Variants in METTL15 observed in about 807,000 individuals in gnomAD.
METTL15 encodes 12S rRNA N(4)-cytidine methyltransferase METTL15.
Under a neutral mutation model 38.3 loss-of-function variants are expected in METTL15, and 34 were observed. The ratio of observed to expected loss-of-function variants is 0.89; its 90% confidence interval spans 0.68 to 1.18. METTL15 has a LOEUF of 1.18. METTL15 is among the 50% of genes most tolerant of loss of function. The probability of loss-of-function intolerance (pLI) is 0.00; values close to 1 mark genes in which losing one functional copy is unlikely to be tolerated. For missense variants in METTL15, 438 were observed against 498.4 expected (o/e 0.88, Z 1.15); for synonymous variants, 162 against 170.9 (o/e 0.95, Z 0.41).
intron 5 of METTL15, among the ~76,000 whole-genome samples, chr11:28,418,306 C>T (rs1850790513): frequency 6.6e-6 from 1 of 152,170 alleles, no homozygotes; most frequent in Non-Finnish European, 1.5e-5. Flanking sequence ...GAAAGGTCCA[C>T]GAGCTTTATT....
At chr11:28,301,386 A>T (rs939579784) in intron 6 of METTL15, among the ~76,000 whole-genome samples, 2 of 152,066 alleles carry the variant, frequency 1.3e-5, no homozygotes, top group Non-Finnish European at 2.9e-5. Context: ...ATTAGTTGAG[A>T]TGGTCTCCTA....
chr11:28,514,887 C>A (rs1234159995), intron 6 of METTL15, among the ~76,000 whole-genome samples: 1 of 151,538 alleles, frequency 6.6e-6, no homozygotes, highest in Non-Finnish European at 1.5e-5. Flanking sequence ...TTTACTATGC[C>A]CACAGATCTC....
intron 5 of METTL15, among the ~76,000 whole-genome samples, chr11:28,367,873 T>A (rs975681846): frequency 6.6e-6 from 1 of 152,022 alleles, no homozygotes; most frequent in East Asian, 1.9e-4. Flanking sequence ...TAAATGATGT[T>A]GGGAAAACTG....
chr11:28,221,404 A>G (rs1214784984), intron 4 of METTL15, among the ~76,000 whole-genome samples: 1 of 152,086 alleles, frequency 6.6e-6, no homozygotes, highest in Non-Finnish European at 1.5e-5. Flanking sequence ...CATGGTTTTC[A>G]GCTCCATCAG....
At chr11:28,157,333 C>G (rs1322954145) in intron 3 of METTL15, among the ~76,000 whole-genome samples, 2 of 152,168 alleles carry the variant, frequency 1.3e-5, no homozygotes, top group African/African-American at 4.8e-5. Flanking sequence ...TGCAACAGGT[C>G]CAGGCTGCTG....
intron 4 of METTL15, among the ~76,000 whole-genome samples, chr11:28,256,586 T>A (rs1382557111): frequency 6.6e-6 from 1 of 152,136 alleles, no homozygotes; most frequent in Non-Finnish European, 1.5e-5. Context: ...TACTTGAATC[T>A]TCTCTCTTTT....
At chr11:28,296,989 A>G in intron 6 of METTL15, 58 bp downstream of exon 6, 4 of 1,586,742 alleles carry the variant, frequency 2.5e-6, no homozygotes, top group African/African-American at 1.3e-5. Context: ...ACATGTGTGC[A>G]TGTGTTTGTG....
At position 28,146,154 on chromosome 11, in the gene METTL15, T is replaced by G. The variant is rs957584935; in HGVS notation, c.270+32550T>G. Among the ~76,000 whole-genome samples, 5 of 152,074 alleles carry G rather than the reference T, an allele frequency of 3.3e-5. No homozygotes were observed. In the South Asian group the frequency reaches 1.0e-3, roughly 31 times the overall value. On this transcript the variant is annotated intron_variant, in intron 3 of 6. Coordinates refer to ENST00000407364, the MANE Select transcript of METTL15 (RefSeq NM_001113528.2). ...TAACAAATCAAACTTTTCAAGCTAT[T>G]TCTGACTGTTAAAACTTTCTGGAAA... is the stretch of plus-strand genomic sequence containing the variant.
intron 5 of METTL15, among the ~76,000 whole-genome samples, chr11:28,375,588 T>A (rs1475508509): frequency 2.6e-5 from 4 of 152,286 alleles, no homozygotes; most frequent in Admixed American, 6.5e-5. Flanking sequence ...TGGCAGTCTA[T>A]CAATTTTGTT....
intron 6 of METTL15, among the ~76,000 whole-genome samples, chr11:28,436,895 G>A (rs938969907): frequency 6.6e-6 from 1 of 152,198 alleles, no homozygotes; most frequent in Non-Finnish European, 1.5e-5. Flanking sequence ...AGTGGACTGG[G>A]AGAGGCAGAC....
intron 5 of METTL15, among the ~76,000 whole-genome samples, chr11:28,390,670 C>A (rs1044705678): frequency 4.6e-5 from 7 of 152,178 alleles, no homozygotes; most frequent in African/African-American, 1.7e-4. Flanking sequence ...CATGATGCCT[C>A]CAGCTTTGTT....
intron 6 of METTL15, among the ~76,000 whole-genome samples, chr11:28,428,978 T>G (rs1850888322): frequency 6.6e-6 from 1 of 152,140 alleles, no homozygotes; most frequent in South Asian, 2.1e-4. Context: ...TCTGGAAGGC[T>G]CATCACCATG....
At chr11:28,235,023 T>C (rs1853882775) in intron 4 of METTL15, among the ~76,000 whole-genome samples, 1 of 152,120 alleles carries the variant, frequency 6.6e-6, no homozygotes, top group Non-Finnish European at 1.5e-5. Flanking sequence ...TTTCTACATG[T>C]GGCTAGCCAG....
intron 3 of METTL15, among the ~76,000 whole-genome samples, chr11:28,200,380 A>G (rs868680678): frequency 2.6e-5 from 4 of 152,244 alleles, no homozygotes; most frequent in South Asian, 2.1e-4. Context: ...GTGTGTTTTT[A>G]TGCCTATGTA....
intron 3 of METTL15, among the ~76,000 whole-genome samples, chr11:28,173,558 T>G (rs1850938656): frequency 1.3e-5 from 2 of 152,228 alleles, no homozygotes; most frequent in Non-Finnish European, 2.9e-5. Context: ...TAACCTATAC[T>G]CATTTTCTGC....
intron 5 of METTL15, among the ~76,000 whole-genome samples, chr11:28,410,018 A>G (rs1474909148): frequency 6.6e-6 from 1 of 152,172 alleles, no homozygotes; most frequent in East Asian, 1.9e-4. Flanking sequence ...TAAACCAGAG[A>G]CAATGGATAA....
chr11:28,135,000 C>T (rs563772173), intron 3 of METTL15, among the ~76,000 whole-genome samples: 2 of 152,228 alleles, frequency 1.3e-5, no homozygotes, highest in Admixed American at 1.3e-4. Flanking sequence ...AATATTGATC[C>T]AGATTTTTAT....
chr11:28,134,780 G>A, intron 3 of METTL15: 1 of 389,752 alleles, frequency 2.6e-6, no homozygotes. Context: ...ACGAAACAAG[G>A]GGTTAAGGAC....
At chr11:28,435,562 A>G (rs1590374078) in intron 6 of METTL15, among the ~76,000 whole-genome samples, 2 of 152,330 alleles carry the variant, frequency 1.3e-5, no homozygotes, top group East Asian at 3.9e-4. Context: ...AGAATATTGG[A>G]AAATATTCCT....
Sources: allele counts gnomAD v4.1 joint callset (sites outside exome capture counted in the v4.1 genomes callset), GRCh38; gene constraint gnomAD v4.1.1; transcripts MANE v1.5; gene names NCBI Gene and HGNC (gene_info 2026-07-23, HGNC 2026-07-21).